The following ARMH3 variants were observed in gnomAD, a reference collection of about 807,000 sequenced individuals.
ARMH3 encodes armadillo like helical domain containing 3.
A neutral mutation model predicts 99.1 loss-of-function variants in ARMH3; 60 were observed. That is an observed-to-expected ratio of 0.61 (90% CI 0.49 to 0.75). The LOEUF (loss-of-function observed/expected upper bound fraction) is 0.75, where lower values mean the gene tolerates loss of function less well. Ranked by LOEUF, ARMH3 falls within the 30% of genes least tolerant of loss-of-function variation. The pLI is 0.00. For synonymous variants in ARMH3, 285 were observed against 292.8 expected (o/e 0.97, Z 0.27); for missense variants, 679 against 843.1 (o/e 0.81, Z 2.41).
At chr10:102,015,245 G>C (rs1197322340) in intron 8 of ARMH3, among the ~76,000 whole-genome samples, 1 of 152,118 alleles carries the variant, frequency 6.6e-6, no homozygotes, top group African/African-American at 2.4e-5. Flanking sequence ...ATGCAAGTGG[G>C]TCCTTGGAAA....
chr10:102,049,078 G>A (rs1048822964), intron 1 of ARMH3, among the ~76,000 whole-genome samples: 1 of 151,544 alleles, frequency 6.6e-6, no homozygotes, highest in Non-Finnish European at 1.5e-5. Flanking sequence ...TAGCTCACTT[G>A]CTAGATCACA....
chr10:101,880,375 A>G (rs1379308643), intron 24 of ARMH3, among the ~76,000 whole-genome samples: 1 of 152,158 alleles, frequency 6.6e-6, no homozygotes, highest in African/African-American at 2.4e-5. Flanking sequence ...TTCCCTGGGG[A>G]AAACTTTTAC....
chr10:102,010,857 T>C (rs1479889612), intron 11 of ARMH3, among the ~76,000 whole-genome samples: 4 of 152,202 alleles, frequency 2.6e-5, no homozygotes, highest in Admixed American at 6.5e-5. Context: ...ATTTACATTT[T>C]GGAGTTAAAG....
intron 23 of ARMH3, among the ~76,000 whole-genome samples, chr10:101,937,830 C>A (rs572099740): frequency 6.6e-6 from 1 of 152,254 alleles, no homozygotes; most frequent in South Asian, 2.1e-4. Context: ...TGGTGACATT[C>A]AAACACTTCT....
intron 22 of ARMH3, among the ~76,000 whole-genome samples, chr10:101,955,351 T>C (rs1007928188): frequency 1.3e-5 from 2 of 152,228 alleles, no homozygotes; most frequent in African/African-American, 4.8e-5. Context: ...AATTGTCATA[T>C]AATTTTCCTA....
chr10:101,853,483 G>C (rs1158098377), intron 24 of ARMH3, among the ~76,000 whole-genome samples: 2 of 152,204 alleles, frequency 1.3e-5, no homozygotes, highest in African/African-American at 2.4e-5. Flanking sequence ...CACTTAGGGA[G>C]AGGGCCATCT....
At chr10:101,881,136 C>A (rs2135409483) in intron 24 of ARMH3, among the ~76,000 whole-genome samples, 1 of 152,234 alleles carries the variant, frequency 6.6e-6, no homozygotes, top group Middle Eastern at 3.4e-3. Context: ...GAAGATATGT[C>A]TTATACAACA....
At chr10:101,881,584 T>C (rs1387316037) in intron 24 of ARMH3, among the ~76,000 whole-genome samples, 1 of 152,030 alleles carries the variant, frequency 6.6e-6, no homozygotes, top group Non-Finnish European at 1.5e-5. Context: ...AAAAAAAAGA[T>C]TTACCCAATA....
intron 22 of ARMH3, among the ~76,000 whole-genome samples, chr10:101,944,266 A>ATATATATATATATG (rs1844390066): frequency 1.9e-5 from 1 of 53,446 alleles, no homozygotes; most frequent in Non-Finnish European, 3.1e-5. Context: ...ATATATATAT[A>ATATATATATATATG]TATATATAGA....
intron 23 of ARMH3, among the ~76,000 whole-genome samples, chr10:101,908,607 A>C (rs1316573087): frequency 6.6e-6 from 1 of 152,190 alleles, no homozygotes; most frequent in African/African-American, 2.4e-5. Flanking sequence ...TTATGATTAC[A>C]TAAATCAGAA....
intron 24 of ARMH3, among the ~76,000 whole-genome samples, chr10:101,861,300 T>A (rs2066861172): frequency 6.6e-6 from 1 of 152,190 alleles, no homozygotes; most frequent in African/African-American, 2.4e-5. Flanking sequence ...ATAATATTTG[T>A]GCTGACAGGA....
chr10:102,049,437 G>A (rs953672676), intron 1 of ARMH3, among the ~76,000 whole-genome samples: 2 of 151,988 alleles, frequency 1.3e-5, no homozygotes, highest in East Asian at 3.9e-4. Context: ...AGCTACTCAG[G>A]AGGCTGAGGC....
intron 23 of ARMH3, among the ~76,000 whole-genome samples, chr10:101,929,233 A>G (rs994917217): frequency 6.6e-6 from 1 of 152,204 alleles, no homozygotes. Context: ...ATAAAGCTCA[A>G]TATGCAGACC....
intron 19 of ARMH3, among the ~76,000 whole-genome samples, chr10:101,978,594 T>C (rs891512908): frequency 1.3e-5 from 2 of 151,808 alleles, no homozygotes; most frequent in African/African-American, 2.4e-5. Flanking sequence ...AGCCAGAAAT[T>C]TCAGACCAGC....
At chr10:101,992,574 C>A (rs1189796104) in intron 17 of ARMH3, among the ~76,000 whole-genome samples, 1 of 151,400 alleles carries the variant, frequency 6.6e-6, no homozygotes, top group East Asian at 1.9e-4. Flanking sequence ...CGGCTCACTG[C>A]AAGCTCTGTC....
At chr10:101,998,864 CA>C (rs1040440861) in intron 15 of ARMH3, among the ~76,000 whole-genome samples, 1 of 152,216 alleles carries the variant, frequency 6.6e-6, no homozygotes, top group African/African-American at 2.4e-5. Context: ...TCTCTCCTCA[CA>C]GAAAGTAAAG....
chr10:101,919,076 C>T (rs1463136624), intron 23 of ARMH3, among the ~76,000 whole-genome samples: 1 of 152,070 alleles, frequency 6.6e-6, no homozygotes, highest in Admixed American at 6.6e-5. Flanking sequence ...CAGATATTAC[C>T]AAAACCCCAA....
At chr10:101,999,791 A>G (rs1401184201) in intron 15 of ARMH3, among the ~76,000 whole-genome samples, 1 of 152,202 alleles carries the variant, frequency 6.6e-6, no homozygotes, top group Non-Finnish European at 1.5e-5. Context: ...TTCATTTAAA[A>G]TGATTCAGCC....
intron 24 of ARMH3, among the ~76,000 whole-genome samples, chr10:101,887,645 G>A (rs1271582471): frequency 6.9e-6 from 1 of 143,942 alleles, no homozygotes; most frequent in Non-Finnish European, 1.5e-5. Context: ...GTGGTACAGG[G>A]TGGTCTTGAA....
Sources: gnomAD v4.1 joint callset for allele counts (sites outside exome capture counted in the v4.1 genomes callset) on GRCh38, gnomAD v4.1.1 for gene constraint, MANE v1.5 for transcripts, NCBI Gene and HGNC (gene_info 2026-07-23, HGNC 2026-07-21) for gene names.